MCPH1: variants seen among roughly 807,000 people sequenced by gnomAD.
MCPH1 encodes the protein microcephalin.
In MCPH1, 104 loss-of-function variants were observed where a neutral mutation model predicts 84.5. The observed-to-expected ratio is 1.23, with a 90% CI of 1.05 to 1.45. The LOEUF is 1.45. MCPH1 is among the 40% of genes most tolerant of loss of function. The probability of loss-of-function intolerance (pLI) is 0.00; values close to 1 mark genes in which losing one functional copy is unlikely to be tolerated. For synonymous variants in MCPH1, 514 were observed against 366.8 expected, an observed-to-expected ratio of 1.40 and a Z score of -4.58; for missense variants, 1,498 against 1,005.7, an observed-to-expected ratio of 1.49 and a Z score of -6.62.
In MCPH1 at chr8:6,549,684, C is replaced by G. The variant is rs138666832; in HGVS notation, c.2214+49755C>G. 1.0e-4 allele frequency among the ~76,000 whole-genome samples: 14 copies of G among 133,956 alleles called. No individual in the cohort carries two copies. In the Admixed American group the frequency reaches 1.1e-3, roughly 10 times the overall value. The allele number at this position is 133,956 out of a possible 152,430, so 87.9% of individuals were successfully genotyped here. A position where few individuals can be genotyped will look rare whatever the true frequency, so the allele number is the denominator to read the frequency against. Reference sequence around the variant, plus strand: ...GCTGCCTGCAGGGGAAGAAGCCTTCCGTATCGAGCTGGGCGGTCATTACAC... The same window carrying G: ...GCTGCCTGCAGGGGAAGAAGCCTTCGGTATCGAGCTGGGCGGTCATTACAC... On this transcript the variant is annotated intron_variant, in intron 12 of 13. Transcript: ENST00000344683.
intron 11 of MCPH1, 98 bp from the exon 12 acceptor site, chr8:6,499,754 G>A (rs1811787272): frequency 1.0e-6 from 1 of 962,688 alleles, no homozygotes; most frequent in Non-Finnish European, 1.7e-6. Flanking sequence ...GATCTGCGGA[G>A]TGTATCACTT....
chr8:6,448,823 G>C (rs2129556185), intron 8 of MCPH1, among the ~76,000 whole-genome samples: 1 of 152,278 alleles, frequency 6.6e-6, no homozygotes, highest in East Asian at 1.9e-4. Context: ...TAACAGATCA[G>C]ATAGTAAGTT....
chr8:6,622,724 G>A (rs373088986), intron 13 of MCPH1, among the ~76,000 whole-genome samples: 6 of 152,188 alleles, frequency 3.9e-5, no homozygotes, highest in Non-Finnish European at 8.8e-5. Flanking sequence ...GTGACCTCAC[G>A]TGGCCTTTCC....
At chr8:6,605,231 A>C (rs529666864) in intron 12 of MCPH1, among the ~76,000 whole-genome samples, 1 of 152,144 alleles carries the variant, frequency 6.6e-6, no homozygotes, top group Non-Finnish European at 1.5e-5. Flanking sequence ...TTTTTTCCAA[A>C]AGTTGATATC....
Position 6,431,505 on chromosome 8 carries a change from G to C in MCPH1, c.240G>C (p.Arg80Ser). Residue 80 changes from arginine (R) to serine (S), a missense_variant, in exon 4 of 14, where the codon AGG becomes AGC. Coordinates refer to ENST00000344683, the MANE Select transcript of MCPH1 (RefSeq NM_024596.5). ...LVSVLWVEKC[R>S]TAGAHIDESL... ...CCTTAATTTAATTATACAGATGCAG[G>C]ACAGCTGGAGCACACATTGATGAAT... The C allele has an allele frequency of 6.2e-7, 1 of 1,612,598 alleles. No homozygotes were observed.
chr8:6,419,174 C>G (rs549206112), intron 3 of MCPH1, among the ~76,000 whole-genome samples: 61 of 38,776 alleles, frequency 1.6e-3, no homozygotes, highest in African/African-American at 2.1e-3. Flanking sequence ...CACACACACA[C>G]ACACACACAC....
At chr8:6,625,710 T>A in intron 13 of MCPH1, 1 of 980,502 alleles carries the variant, frequency 1.0e-6, no homozygotes. Flanking sequence ...CTTGAGCCCA[T>A]AAGTTCAAGG....
chr8:6,435,766 T>A (rs750976994), intron 4 of MCPH1, among the ~76,000 whole-genome samples: 2 of 152,154 alleles, frequency 1.3e-5, no homozygotes, highest in African/African-American at 4.8e-5. Flanking sequence ...CGAAAGAGAC[T>A]GGCTAAAAAC....
At chr8:6,626,117 T>C (rs1832050797) in intron 13 of MCPH1, 2 of 985,330 alleles carry the variant, frequency 2.0e-6, no homozygotes, top group Admixed American at 6.1e-5. Flanking sequence ...ATAAAAATTG[T>C]TAGTGATTAT....
At chr8:6,417,171 C>G (rs887564575) in intron 3 of MCPH1, among the ~76,000 whole-genome samples, 4 of 152,068 alleles carry the variant, frequency 2.6e-5, no homozygotes, top group African/African-American at 9.7e-5. Flanking sequence ...GCCATTATTT[C>G]TTCATCTATC....
intron 10 of MCPH1, 74 bp downstream of exon 10, chr8:6,477,705 C>G: frequency 8.6e-7 from 1 of 1,157,170 alleles, no homozygotes; most frequent in South Asian, 1.2e-5. Flanking sequence ...TTCTGGGTGC[C>G]TTTAGGCAAC....
At chr8:6,628,965 ACAGT>A (rs2129581935) in intron 13 of MCPH1, among the ~76,000 whole-genome samples, 1 of 152,286 alleles carries the variant, frequency 6.6e-6, no homozygotes, top group South Asian at 2.1e-4. Context: ...TGCATATTAG[ACAGT>A]CAGTGTTGAA....
At chr8:6,419,806 T>C (rs1304586930) in intron 3 of MCPH1, among the ~76,000 whole-genome samples, 1 of 152,152 alleles carries the variant, frequency 6.6e-6, no homozygotes, top group Non-Finnish European at 1.5e-5. Context: ...GCTGATAATA[T>C]TTGATTCAAG....
intron 9 of MCPH1, chr8:6,477,286 G>GA: frequency 2.9e-6 from 1 of 342,574 alleles, no homozygotes; most frequent in South Asian, 3.8e-5. Flanking sequence ...TGAAGTGCAT[G>GA]AAGACGTTGA....
chr8:6,638,702 C>T (rs537986412), intron 13 of MCPH1, among the ~76,000 whole-genome samples: 13 of 152,186 alleles, frequency 8.5e-5, no homozygotes, highest in African/African-American at 2.6e-4. Context: ...ATCTGTCCTA[C>T]GGCCACATTT....
chr8:6,590,709 C>T (rs1410327139), intron 12 of MCPH1, among the ~76,000 whole-genome samples: 2 of 152,146 alleles, frequency 1.3e-5, no homozygotes, highest in Non-Finnish European at 2.9e-5. Context: ...AGTTTATTGC[C>T]ATCTGCTAAC....
intron 12 of MCPH1, among the ~76,000 whole-genome samples, chr8:6,593,081 G>GTTTTT (rs377256909): frequency 4.9e-5 from 6 of 121,730 alleles, no homozygotes; most frequent in Non-Finnish European, 8.2e-5. Context: ...TTAGGGTGTG[G>GTTTTT]TTTTTTTTTT....
chr8:6,553,299 T>C (rs1823992031), intron 12 of MCPH1, among the ~76,000 whole-genome samples: 1 of 152,118 alleles, frequency 6.6e-6, no homozygotes, highest in South Asian at 2.1e-4. Context: ...ATTTACTACA[T>C]ATGAAAAGGA....
chr8:6,628,867 C>T (rs567885803), intron 13 of MCPH1, among the ~76,000 whole-genome samples: 1 of 152,206 alleles, frequency 6.6e-6, no homozygotes, highest in Non-Finnish European at 1.5e-5. Context: ...TGCTTACTGA[C>T]CGACTTAATT....
Sources: gnomAD v4.1 joint callset for allele counts (sites outside exome capture counted in the v4.1 genomes callset) on GRCh38, gnomAD v4.1.1 for gene constraint, MANE v1.5 for transcripts, NCBI Gene and HGNC (gene_info 2026-07-23, HGNC 2026-07-21) for gene names.